The following HS6ST3 variants were observed in gnomAD, a reference collection of about 807,000 sequenced individuals.
HS6ST3 encodes heparan-sulfate 6-O-sulfotransferase 3.
In HS6ST3, 12 loss-of-function variants were observed where a neutral mutation model predicts 36.7. The ratio of observed to expected loss-of-function variants is 0.33; its 90% confidence interval spans 0.21 to 0.53. The LOEUF is 0.53. Among genes scored for constraint, HS6ST3 ranks in the 20% least tolerant of loss-of-function variants. The pLI is 0.95. For synonymous variants in HS6ST3, 240 were observed against 257.5 expected (o/e 0.93, Z 0.65); for missense variants, 584 against 640.9 (o/e 0.91, Z 0.96).
intron 1 of HS6ST3, among the ~76,000 whole-genome samples, chr13:96,379,750 C>T (rs762733740): frequency 6.6e-6 from 1 of 152,134 alleles, no homozygotes; most frequent in Non-Finnish European, 1.5e-5. Flanking sequence ...GCTTTAGAAT[C>T]TGCACTTTGA....
intron 1 of HS6ST3, among the ~76,000 whole-genome samples, chr13:96,549,812 G>A (rs935846078): frequency 1.3e-5 from 2 of 151,650 alleles, no homozygotes; most frequent in Admixed American, 6.6e-5. Flanking sequence ...TGCCTGAAAC[G>A]CCCTCTCATG....
intron 1 of HS6ST3, among the ~76,000 whole-genome samples, chr13:96,488,693 G>A (rs1194673236): frequency 6.6e-6 from 1 of 152,018 alleles, no homozygotes; most frequent in African/African-American, 2.4e-5. Context: ...AAATTATCTT[G>A]TACATGGTGA....
chr13:96,307,675 G>A (rs577507067), intron 1 of HS6ST3, among the ~76,000 whole-genome samples: 4 of 152,042 alleles, frequency 2.6e-5, no homozygotes, highest in African/African-American at 9.6e-5. Flanking sequence ...AATATTATAT[G>A]AATATTAGTT....
intron 1 of HS6ST3, among the ~76,000 whole-genome samples, chr13:96,799,369 G>A (rs918071619): frequency 6.6e-5 from 10 of 152,050 alleles, no homozygotes; most frequent in Admixed American, 5.9e-4. Flanking sequence ...CAGTGATGGT[G>A]AGGAACCAAC....
At chr13:96,378,804 T>C (rs564447245) in intron 1 of HS6ST3, among the ~76,000 whole-genome samples, 1 of 152,164 alleles carries the variant, frequency 6.6e-6, no homozygotes, top group African/African-American at 2.4e-5. Context: ...TATAAAGCGG[T>C]GACTTTTCTA....
intron 1 of HS6ST3, among the ~76,000 whole-genome samples, chr13:96,116,353 C>T (rs1037924931): frequency 4.6e-5 from 7 of 152,142 alleles, no homozygotes; most frequent in Non-Finnish European, 7.4e-5. Flanking sequence ...CAGCTATAGT[C>T]AGGTGTCTGC....
intron 1 of HS6ST3, among the ~76,000 whole-genome samples, chr13:96,594,454 C>T (rs1336869111): frequency 6.6e-6 from 1 of 152,008 alleles, no homozygotes; most frequent in East Asian, 1.9e-4. Context: ...TGATAACTTG[C>T]TTTTTATTTT....
intron 1 of HS6ST3, among the ~76,000 whole-genome samples, chr13:96,576,681 C>T (rs2056322446): frequency 6.6e-6 from 1 of 152,020 alleles, no homozygotes; most frequent in South Asian, 2.1e-4. Context: ...GTGGCTCATG[C>T]CTGTAATCCC....
chr13:96,395,679 C>T (rs1334378415), intron 1 of HS6ST3, among the ~76,000 whole-genome samples: 1 of 152,178 alleles, frequency 6.6e-6, no homozygotes, highest in South Asian at 2.1e-4. Context: ...TCTGTGTGGA[C>T]CCCTCTCCGC....
rs2055133376 is a variant in HS6ST3, at chr13:96,342,075, C to T, written c.707+250506C>T. On this transcript the variant is annotated intron_variant, in intron 1 of 1. Transcript: ENST00000376705. ...CTCTCCACCACTGAACCTCTTTTCT[C>T]CCCCTCCACAAAAAAAAAAGTTCAT... Among the ~76,000 whole-genome samples the T allele has an allele frequency of 2.6e-5, 4 of 151,972 alleles. No homozygotes were observed. In the South Asian group the frequency reaches 8.3e-4, roughly 32 times the overall value.
intron 1 of HS6ST3, among the ~76,000 whole-genome samples, chr13:96,679,415 C>T (rs1225964096): frequency 6.6e-6 from 1 of 151,922 alleles, no homozygotes; most frequent in Non-Finnish European, 1.5e-5. Flanking sequence ...TGAGACCAGG[C>T]ACTCCTAACC....
chr13:96,199,758 C>A (rs928538139), intron 1 of HS6ST3, among the ~76,000 whole-genome samples: 4 of 152,230 alleles, frequency 2.6e-5, no homozygotes, highest in Middle Eastern at 3.4e-3. Context: ...AAGAAACAAC[C>A]CTTTTACAAT....
intron 1 of HS6ST3, among the ~76,000 whole-genome samples, chr13:96,278,979 C>T (rs2054761698): frequency 6.6e-6 from 1 of 152,142 alleles, no homozygotes; most frequent in Non-Finnish European, 1.5e-5. Context: ...GAATTTCCAA[C>T]ACTGTGTCAG....
At chr13:96,529,568 A>G (rs1309130008) in intron 1 of HS6ST3, among the ~76,000 whole-genome samples, 2 of 152,096 alleles carry the variant, frequency 1.3e-5, no homozygotes, top group Non-Finnish European at 2.9e-5. Flanking sequence ...CTTACATTTT[A>G]TATTCTTCAT....
intron 1 of HS6ST3, among the ~76,000 whole-genome samples, chr13:96,350,530 T>C (rs1344005838): frequency 6.6e-6 from 1 of 152,260 alleles, no homozygotes; most frequent in African/African-American, 2.4e-5. Context: ...AATTAGAATC[T>C]ATAAAATGTG....
At chr13:96,744,849 T>A (rs1381602640) in intron 1 of HS6ST3, among the ~76,000 whole-genome samples, 1 of 152,246 alleles carries the variant, frequency 6.6e-6, no homozygotes, top group South Asian at 2.1e-4. Context: ...AGCCCATTTT[T>A]ACCTGGGTTC....
At chr13:96,352,779 A>G (rs1020662620) in intron 1 of HS6ST3, among the ~76,000 whole-genome samples, 1 of 152,208 alleles carries the variant, frequency 6.6e-6, no homozygotes, top group African/African-American at 2.4e-5. Flanking sequence ...AAAAGCTAAC[A>G]TTTATTAAAC....
At chr13:96,584,597 A>T (rs567773831) in intron 1 of HS6ST3, among the ~76,000 whole-genome samples, 22 of 152,328 alleles carry the variant, frequency 1.4e-4, no homozygotes, top group African/African-American at 5.3e-4. Context: ...AAATAACCTA[A>T]TATTGACAAG....
intron 1 of HS6ST3, among the ~76,000 whole-genome samples, chr13:96,603,337 T>C (rs1480542593): frequency 7.9e-5 from 12 of 152,242 alleles, no homozygotes; most frequent in Non-Finnish European, 2.9e-5. Flanking sequence ...CAGTATTTGT[T>C]CTTGTCTTTG....
Sources: gnomAD v4.1 joint callset for allele counts (sites outside exome capture counted in the v4.1 genomes callset) on GRCh38, gnomAD v4.1.1 for gene constraint, MANE v1.5 for transcripts, NCBI Gene and HGNC (gene_info 2026-07-23, HGNC 2026-07-21) for gene names.